AARS2: variants seen among roughly 807,000 people sequenced by gnomAD.
The protein encoded by AARS2 is alanyl-tRNA synthetase 2, mitochondrial.
Under a neutral mutation model 119.7 loss-of-function variants are expected in AARS2, and 78 were observed. That is an observed-to-expected ratio of 0.65 (90% CI 0.54 to 0.79). The LOEUF is 0.79. Among genes scored for constraint, AARS2 ranks in the 30% least tolerant of loss-of-function variants. The probability of loss-of-function intolerance (pLI) is 0.00; values close to 1 mark genes in which losing one functional copy is unlikely to be tolerated. For missense variants in AARS2, 1,157 were observed against 1,291.3 expected (o/e 0.90, Z 1.59); for synonymous variants, 502 against 526.3 (o/e 0.95, Z 0.63).
At position 44,302,104 on chromosome 6, in the gene AARS2, G is replaced by A; in HGVS notation, c.2554C>T (p.Gln852Ter). The A allele has an allele frequency of 1.2e-6, 2 of 1,614,014 alleles. No individual in the cohort carries two copies. The highest frequency in any genetic ancestry group is 1.7e-6 in the Non-Finnish European group (2 of 1,180,018). ...CGGATGGCAGTGTTGGCACGCCGCTGCAGCATCTTCACTGTGGCCAGCAGC... is the reference window on the plus strand; with the variant it reads ...CGGATGGCAGTGTTGGCACGCCGCTACAGCATCTTCACTGTGGCCAGCAGC... ...RELLATVKML[Q>*]RRANTAIRKL... The change falls in exon 19 of 22, where the codon CAG becomes TAG. Residue 852 changes from glutamine (Q) to a stop codon, truncating the protein, a stop_gained. Coordinates refer to ENST00000244571, the MANE Select transcript of AARS2 (RefSeq NM_020745.4). LOFTEE classifies it high-confidence loss of function.
Position 44,303,462 on chromosome 6 carries a change from G to A in AARS2, c.2008-39C>T, listed in dbSNP as rs775638285. On this transcript the variant is annotated intron_variant, in intron 14 of 21. Transcript: ENST00000244571. ...GAGGAAATGGAAAGACCAACATGCA[G>A]TCAGCCCCACACCTCTAACTGATGC... is the stretch of plus-strand genomic sequence containing the variant. 42 of 1,613,538 alleles carry A rather than the reference G, an allele frequency of 2.6e-5. 1 individual carries two copies. The South Asian group carries it at 4.3e-4, about 16-fold the overall frequency.
chr6:44,311,294 A>G, intron 3 of AARS2, 96 bp downstream of exon 3: 1 of 1,605,670 alleles, frequency 6.2e-7, no homozygotes, highest in Non-Finnish European at 8.5e-7. Flanking sequence ...AATATCCTGG[A>G]ATGAAATGCT....
In AARS2 at chr6:44,313,146, G is replaced by A. The variant is rs768863031; in HGVS notation, c.178C>T (p.Pro60Ser). The change falls in exon 1 of 22, where the codon CCC (proline) becomes TCC (serine). Residue 60 changes from proline to serine, a missense_variant. By Grantham distance (74) the Pro-to-Ser change is moderately conservative. Transcript: ENST00000244571. ...FRDRHGHRLV[P>S]SASVRPRGDP... ...CCGCGGGGCCGCACGGAAGCGGAGG[G>A]CACCAGCCGGTGGCCATGGCGGTCC... is the stretch of plus-strand genomic sequence containing the variant. 11 of 1,610,404 alleles carry A rather than the reference G, an allele frequency of 6.8e-6. No individual in the cohort carries two copies. Among genetic ancestry groups the A allele is most frequent in the Admixed American group, 6.7e-5 (4 of 59,710 alleles).
Position 44,306,330 on chromosome 6 carries a change from C to A in AARS2, c.1250G>T (p.Arg417Leu). The A allele has an allele frequency of 6.2e-7, 1 of 1,614,110 alleles. No homozygotes were observed. Among genetic ancestry groups the A allele is most frequent in the East Asian group, 2.2e-5 (1 of 44,878 alleles). Residue 417 changes from arginine (R) to leucine (L), a missense_variant, in exon 9 of 22, where the codon CGG (arginine) becomes CTG (leucine). Transcript: ENST00000244571. Reference protein sequence around the residue: ...AFLASLERGRRIIDRTLRTLG... With the variant: ...AFLASLERGRLIIDRTLRTLG... ...GGTCCTCAGAGTCCGATCAATGATCCGCCTACCCCGCTCCAGGGAGGCCAG... is the reference window on the plus strand; with the variant it reads ...GGTCCTCAGAGTCCGATCAATGATCAGCCTACCCCGCTCCAGGGAGGCCAG...
intron 5 of AARS2, among the ~76,000 whole-genome samples, chr6:44,308,107 T>C (rs536013706): frequency 2.1e-4 from 32 of 152,350 alleles, no homozygotes; most frequent in African/African-American, 4.3e-4. Flanking sequence ...TACTTGTCTC[T>C]ACTTCCACTG....
In AARS2 at chr6:44,311,406, T is replaced by C; in HGVS notation, c.565A>G (p.Ile189Val). 1 of 1,614,220 alleles carries C rather than the reference T, an allele frequency of 6.2e-7. No homozygotes were observed. The highest frequency in any genetic ancestry group is 2.2e-5 in the East Asian group (1 of 44,876). Reference protein sequence around the residue: ...GLDPDLETRDIWLSLGVPASR... With the variant: ...GLDPDLETRDVWLSLGVPASR... ...CTGACTTACCCTAAGCTCAGCCAGA[T>C]GTCCCTGGTCTCCAGGTCTGGGTCC... Residue 189 changes from isoleucine to valine, a missense_variant, in exon 3 of 22, where the codon ATC becomes GTC. Ile to Val is a conservative substitution (Grantham distance 29). Coordinates refer to ENST00000244571, the MANE Select transcript of AARS2 (RefSeq NM_020745.4).
chr6:44,306,441 C>A, intron 8 of AARS2, 50 bp from the exon 9 acceptor site: 5 of 1,613,886 alleles, frequency 3.1e-6, no homozygotes, highest in Non-Finnish European at 4.2e-6. Context: ...GAAGGAGGGT[C>A]TCTCTCCACA....
intron 5 of AARS2, among the ~76,000 whole-genome samples, chr6:44,309,034 A>C (rs1786119512): frequency 6.6e-6 from 1 of 152,244 alleles, no homozygotes; most frequent in South Asian, 2.1e-4. Context: ...TGCCACTTTA[A>C]AATGGGACTT....
intron 21 of AARS2, 151 bp from the exon 22 acceptor site, chr6:44,300,862 G>A: frequency 9.6e-7 from 1 of 1,037,308 alleles, no homozygotes; most frequent in East Asian, 2.6e-5. Flanking sequence ...GCCGGAGAAG[G>A]TTTGGGCTGG....
intron 4 of AARS2, 137 bp downstream of exon 4, chr6:44,310,857 G>A: frequency 9.6e-7 from 1 of 1,045,170 alleles, no homozygotes; most frequent in East Asian, 2.4e-5. Context: ...TTATCTATAA[G>A]GTGTTGAGAA....
rs1213059673 is a variant in AARS2, at chr6:44,300,678, C to A, written c.2827G>T (p.Ala943Ser). The A allele has an allele frequency of 6.2e-7, 1 of 1,613,526 alleles. No homozygotes were observed. Among genetic ancestry groups the A allele is most frequent in the South Asian group, 1.1e-5 (1 of 91,088 alleles). Residue 943 changes from alanine (A) to serine (S), a missense_variant, in exon 22 of 22, where the codon GCA becomes TCA. By Grantham distance (99) the Ala-to-Ser change is moderately conservative. Coordinates refer to ENST00000244571, the MANE Select transcript of AARS2 (RefSeq NM_020745.4). ...CCCATGTGGCTGCACACTGCCAGTG[C>A]CCAGGCCTCTGCTGTGAAGGTGGGC... ...AMPTFTAEAW[A>S]LAVCSHMGGK...
At chr6:44,306,789 C>T in intron 7 of AARS2, 134 bp downstream of exon 7, 1 of 907,752 alleles carries the variant, frequency 1.1e-6, no homozygotes, top group South Asian at 1.4e-5. Context: ...TCTTAGCTTG[C>T]TGATAGGATG....
At position 44,305,044 on chromosome 6, in the gene AARS2, A is replaced by G. The variant is rs1785718905; in HGVS notation, c.1579+10T>C. The G allele has an allele frequency of 6.2e-7, 1 of 1,614,080 alleles. No homozygotes were observed. The highest frequency in any genetic ancestry group is 8.5e-7 in the Non-Finnish European group (1 of 1,180,024). On this transcript the variant is annotated intron_variant, in intron 11 of 21. Coordinates refer to ENST00000244571, the MANE Select transcript of AARS2 (RefSeq NM_020745.4). The surrounding 1 kb of genome is among the most constrained non-coding windows in gnomAD (Gnocchi z 4.6). ...AGCTTGTGGCGGCAGGCCTTGGTCC[A>G]GGCTCTCACCATAACTTCCGCTGGG...
chr6:44,303,739 G>C (rs1284741208), intron 14 of AARS2, among the ~76,000 whole-genome samples: 1 of 152,216 alleles, frequency 6.6e-6, no homozygotes, highest in Non-Finnish European at 1.5e-5. Flanking sequence ...AGGATGGGGG[G>C]ATGCAGGGGC....
rs1785807416 is a variant in AARS2 at position 44,305,943 on chromosome 6, A to G, written c.1301-157T>C. 6.6e-6 allele frequency among the ~76,000 whole-genome samples: 1 copy of G among 152,178 alleles called. No individual in the cohort carries two copies. The highest frequency in any genetic ancestry group is 1.5e-5 in the Non-Finnish European group (1 of 68,034). ...TGGGTAGCCTCAGGAGAGGGGTCAC[A>G]TTCAGGCTTCATGCCTCAAGGCCAG... On this transcript the variant is annotated intron_variant, in intron 9 of 21. Transcript: ENST00000244571. This position sits in a 1 kb window ranked among gnomAD's most constrained non-coding sequence, Gnocchi z 4.6.
intron 21 of AARS2, 74 bp from the exon 22 acceptor site, chr6:44,300,785 G>T: frequency 1.3e-6 from 2 of 1,555,564 alleles, no homozygotes; most frequent in Non-Finnish European, 1.7e-6. Flanking sequence ...GTACCCTCAA[G>T]AGTGGAGCTG....
At position 44,298,863 on chromosome 6, in the gene AARS2, G is replaced by C. The variant is rs560147400; in HGVS notation, c.*1684C>G. Among the ~76,000 whole-genome samples the C allele has an allele frequency of 6.6e-6, 1 of 151,540 alleles. No individual in the cohort carries two copies. Among genetic ancestry groups the C allele is most frequent in the Non-Finnish European group, 1.5e-5 (1 of 67,898 alleles). On this transcript the variant is annotated 3_prime_UTR_variant, in exon 22 of 22. Transcript: ENST00000244571. ...AAAGGCAGAGGTCCAAAGTCTGGCT[G>C]TCTGAGGTGGACTCATTCTGGTAGG...
At chr6:44,311,568 A>G (rs1262188595) in intron 2 of AARS2, 33 bp from the exon 3 acceptor site, 2 of 1,611,134 alleles carry the variant, frequency 1.2e-6, no homozygotes, top group Admixed American at 3.3e-5. Context: ...GTGGGGGGGG[A>G]AGACGGGTGA....
At chr6:44,304,113 C>T in intron 14 of AARS2, 68 bp downstream of exon 14, 1 of 1,607,494 alleles carries the variant, frequency 6.2e-7, no homozygotes, top group South Asian at 1.1e-5. Context: ...GCAACCCGCT[C>T]ACAGCAGGCT....
Sources: allele counts gnomAD v4.1 joint callset (sites outside exome capture counted in the v4.1 genomes callset), GRCh38; gene constraint gnomAD v4.1.1; non-coding constraint Gnocchi (gnomAD v3.1); transcripts MANE v1.5; gene names NCBI Gene and HGNC (gene_info 2026-07-23, HGNC 2026-07-21).